The following CDC42BPA variants were observed in gnomAD, a reference collection of about 807,000 sequenced individuals.
CDC42BPA encodes the protein serine/threonine-protein kinase MRCK alpha.
In CDC42BPA, 80 loss-of-function variants were observed where a neutral mutation model predicts 223.5. The ratio of observed to expected loss-of-function variants is 0.36; its 90% CI spans 0.30 to 0.43. CDC42BPA has a LOEUF of 0.43. Ranked by LOEUF, CDC42BPA falls within the 20% of genes least tolerant of loss-of-function variation. The pLI, the probability that CDC42BPA is intolerant of heterozygous loss-of-function variation, is 1.00. For missense variants in CDC42BPA, 1,743 were observed against 2,099.9 expected (o/e 0.83, Z 3.32); for synonymous variants, 694 against 718.6 (o/e 0.97, Z 0.55).
chr1:227,163,181 T>C (rs1197516495), intron 5 of CDC42BPA, among the ~76,000 whole-genome samples: 1 of 152,088 alleles, frequency 6.6e-6, no homozygotes, highest in Admixed American at 6.6e-5. Flanking sequence ...TTTCCAAACA[T>C]ATGTGTGTAT....
rs1387887603 is a variant in CDC42BPA at position 227,112,682 on chromosome 1, C to T, written c.1879G>A (p.Ala627Thr). ...GCCTGACTACTAACCTCTTTTTTGG[C>T]TCTTTCTGTTCTGCGCAGTTCTTGC... Reference protein sequence around the residue: ...LRQELRRTERAKKELEVHTEA... With the variant: ...LRQELRRTERTKKELEVHTEA... The change falls in exon 13 of 37, where the codon GCC becomes ACC. Residue 627 changes from alanine (A) to threonine (T), a missense_variant. Around this residue, in one of 6 missense-constraint regions of CDC42BPA, gnomAD observed 464 missense variants for 488.0 expected, o/e 0.95. Transcript: ENST00000366766. The T allele has an allele frequency of 3.1e-6, 5 of 1,612,204 alleles. No homozygotes were observed. Among genetic ancestry groups the T allele is most frequent in the African/African-American group, 1.3e-5 (1 of 74,728 alleles).
At chr1:227,163,997 T>C (rs573653385) in intron 5 of CDC42BPA, among the ~76,000 whole-genome samples, 97 of 152,238 alleles carry the variant, frequency 6.4e-4, no homozygotes, top group African/African-American at 2.2e-3. Flanking sequence ...ACATACGTCA[T>C]AAATTTAGTG....
At chr1:227,025,742 TCA>T (rs923761920) in intron 31 of CDC42BPA, among the ~76,000 whole-genome samples, 1 of 152,194 alleles carries the variant, frequency 6.6e-6, no homozygotes, top group African/African-American at 2.4e-5. Flanking sequence ...ATGTACTCTC[TCA>T]GAGCTCCTTA....
At chr1:227,019,901 C>CT (rs111365206) in intron 32 of CDC42BPA, among the ~76,000 whole-genome samples, 135 of 145,684 alleles carry the variant, frequency 9.3e-4, no homozygotes, top group South Asian at 4.4e-3. Context: ...TACCATAATT[C>CT]TTTTTTTTTT....
At chr1:227,126,747 T>C (rs1048078746) in intron 11 of CDC42BPA, among the ~76,000 whole-genome samples, 1 of 152,156 alleles carries the variant, frequency 6.6e-6, no homozygotes, top group Non-Finnish European at 1.5e-5. Context: ...AAATCGTATG[T>C]TCATATCAAT....
At chr1:227,025,133 C>T (rs1219192843) in intron 31 of CDC42BPA, among the ~76,000 whole-genome samples, 1 of 152,170 alleles carries the variant, frequency 6.6e-6, no homozygotes, top group Non-Finnish European at 1.5e-5. Context: ...GTCCCAGCTA[C>T]TCTGGAGGCA....
chr1:227,125,602 T>TAAAA (rs78634914), intron 11 of CDC42BPA, among the ~76,000 whole-genome samples: 5 of 117,602 alleles, frequency 4.3e-5, no homozygotes, highest in African/African-American at 1.3e-4. Flanking sequence ...GTCTACAAAT[T>TAAAA]AAAAAAAAAA....
At chr1:227,209,293 C>T (rs1484133899) in intron 3 of CDC42BPA, among the ~76,000 whole-genome samples, 5 of 149,974 alleles carry the variant, frequency 3.3e-5, no homozygotes, top group East Asian at 1.9e-4. Context: ...ATAATCATGT[C>T]GTCTGCAAAC....
intron 9 of CDC42BPA, among the ~76,000 whole-genome samples, chr1:227,142,200 G>A (rs1212136535): frequency 6.6e-6 from 1 of 152,160 alleles, no homozygotes; most frequent in East Asian, 1.9e-4. Context: ...ATAACAGAAT[G>A]AGAGACAGTC....
intron 1 of CDC42BPA, among the ~76,000 whole-genome samples, chr1:227,299,029 G>A (rs1691191665): frequency 6.6e-6 from 1 of 152,142 alleles, no homozygotes; most frequent in African/African-American, 2.4e-5. Flanking sequence ...TAAAGTGAAA[G>A]TCATTCTATG....
chr1:227,213,315 A>G lies in CDC42BPA; in HGVS notation c.271-96T>C. On this transcript the variant is annotated intron_variant, in intron 2 of 36. Transcript: ENST00000366766. ...TTTCCTCTGTAAAAAAATAAATACCAATTATCAATTATGTCAATGCAGTTC... is the reference window on the plus strand; with the variant it reads ...TTTCCTCTGTAAAAAAATAAATACCGATTATCAATTATGTCAATGCAGTTC... The G allele has an allele frequency of 2.2e-5, 13 of 600,748 alleles. 1 individual carries two copies. The South Asian group carries it at 3.1e-4, about 14-fold the overall frequency. The allele number at this position is 600,748 out of a possible 1,614,324, so 37.2% of individuals were successfully genotyped here. A position where few individuals can be genotyped will look rare whatever the true frequency, so the allele number is the denominator to read the frequency against.
At chr1:227,230,617 T>C (rs535447177) in intron 2 of CDC42BPA, among the ~76,000 whole-genome samples, 1 of 152,272 alleles carries the variant, frequency 6.6e-6, no homozygotes, top group African/African-American at 2.4e-5. Flanking sequence ...TCATCTCTTC[T>C]AGTTAATTAT....
intron 23 of CDC42BPA, among the ~76,000 whole-genome samples, chr1:227,040,716 A>C (rs1273401977): frequency 2.0e-5 from 3 of 152,180 alleles, no homozygotes; most frequent in Admixed American, 6.5e-5. Flanking sequence ...GACAAATAAT[A>C]TGCTTCACGA....
At chr1:227,015,847 C>T (rs1666122822) in intron 34 of CDC42BPA, among the ~76,000 whole-genome samples, 1 of 152,162 alleles carries the variant, frequency 6.6e-6, no homozygotes, top group Admixed American at 6.5e-5. Flanking sequence ...AGAAATTCTC[C>T]AATATGGAAC....
intron 3 of CDC42BPA, among the ~76,000 whole-genome samples, chr1:227,206,077 T>C (rs1360119862): frequency 6.6e-6 from 1 of 152,204 alleles, no homozygotes; most frequent in Non-Finnish European, 1.5e-5. Flanking sequence ...AAAGGTTTTA[T>C]AAAAAGGTTT....
intron 6 of CDC42BPA, among the ~76,000 whole-genome samples, chr1:227,151,742 T>C (rs911367145): frequency 1.3e-5 from 2 of 152,132 alleles, no homozygotes; most frequent in African/African-American, 4.8e-5. Flanking sequence ...CAAGTGCTAA[T>C]TGGCCATTTA....
chr1:227,291,611 C>T (rs1249099586), intron 1 of CDC42BPA, among the ~76,000 whole-genome samples: 35 of 152,034 alleles, frequency 2.3e-4, no homozygotes, highest in Non-Finnish European at 1.5e-5. Context: ...AACAGTGAGA[C>T]TGAAAGACTT....
chr1:227,061,186 T>C (rs912789378), intron 21 of CDC42BPA, among the ~76,000 whole-genome samples: 1 of 152,130 alleles, frequency 6.6e-6, no homozygotes, highest in African/African-American at 2.4e-5. Flanking sequence ...TTTTCCTCAG[T>C]TATTAATGGG....
At chr1:227,006,269 GA>G (rs1488037227) in intron 34 of CDC42BPA, among the ~76,000 whole-genome samples, 12 of 152,170 alleles carry the variant, frequency 7.9e-5, no homozygotes, top group African/African-American at 2.7e-4. Flanking sequence ...CTACAAAAAT[GA>G]TGGTAATCTT....
Sources: gnomAD v4.1 joint callset for allele counts (sites outside exome capture counted in the v4.1 genomes callset) on GRCh38, gnomAD v4.1.1 for gene constraint, gnomAD v4.1.1 regional missense constraint, MANE v1.5 for transcripts, NCBI Gene and HGNC (gene_info 2026-07-23, HGNC 2026-07-21) for gene names.